The following ST3GAL3 variants were observed in gnomAD, a reference collection of about 807,000 sequenced individuals.
The protein encoded by ST3GAL3 is ST3 beta-galactoside alpha-2,3-sialyltransferase 3, also known as CMP-N-acetylneuraminate-beta-1,4-galactoside alpha-2,3-sialyltransferase.
ST3GAL3 carries 21 observed loss-of-function variants against 50.1 expected under a neutral mutation model. The ratio of observed to expected loss-of-function variants is 0.42; its 90% CI spans 0.30 to 0.60. The LOEUF (loss-of-function observed/expected upper bound fraction) is 0.60, where lower values mean the gene tolerates loss of function less well. Among genes scored for constraint, ST3GAL3 ranks in the 20% least tolerant of loss-of-function variants. ST3GAL3 has a pLI of 0.19. For synonymous variants in ST3GAL3, 183 were observed against 190.0 expected (o/e 0.96, Z 0.30); for missense variants, 353 against 489.4 (o/e 0.72, Z 2.63).
chr1:43,903,133 C>G (rs559822041), intron 9 of ST3GAL3, among the ~76,000 whole-genome samples: 4 of 152,142 alleles, frequency 2.6e-5, no homozygotes, highest in Admixed American at 1.3e-4. Flanking sequence ...AGACCACGCT[C>G]CCTTCAGGAA....
intron 6 of ST3GAL3, chr1:43,896,964 T>C (rs2077471785): frequency 1.3e-5 from 2 of 152,196 alleles, no homozygotes; most frequent in African/African-American, 4.8e-5. Flanking sequence ...TATATGTGTA[T>C]GTATATTCTT....
chr1:43,880,128 G>A (rs932781700), intron 5 of ST3GAL3, among the ~76,000 whole-genome samples: 1 of 152,200 alleles, frequency 6.6e-6, no homozygotes, highest in Admixed American at 6.5e-5. Flanking sequence ...CAGCCCACAG[G>A]CATTTACGGA....
At chr1:43,801,673 G>C in intron 3 of ST3GAL3, 1 of 203,074 alleles carries the variant, frequency 4.9e-6, no homozygotes, top group East Asian at 1.1e-4. Context: ...TGATGAACAG[G>C]CCAGGTATGG....
intron 4 of ST3GAL3, among the ~76,000 whole-genome samples, chr1:43,830,883 T>G (rs1399865232): frequency 1.3e-5 from 2 of 152,252 alleles, no homozygotes; most frequent in Non-Finnish European, 2.9e-5. Context: ...GTTATTTTCC[T>G]TCTTAAATTA....
At chr1:43,907,636 C>A (rs1316902471) in intron 9 of ST3GAL3, among the ~76,000 whole-genome samples, 2 of 152,188 alleles carry the variant, frequency 1.3e-5, no homozygotes, top group Non-Finnish European at 2.9e-5. Flanking sequence ...CCCATTCATC[C>A]CTGCTTCCTC....
intron 1 of ST3GAL3, among the ~76,000 whole-genome samples, chr1:43,734,244 G>A (rs1677209722): frequency 6.6e-6 from 1 of 150,646 alleles, no homozygotes; most frequent in African/African-American, 2.4e-5. Context: ...ATCATGAATG[G>A]AATTTTTTCA....
intron 1 of ST3GAL3, among the ~76,000 whole-genome samples, chr1:43,713,522 A>ATTTTTT (rs556526111): frequency 4.1e-5 from 5 of 122,174 alleles, no homozygotes; most frequent in Non-Finnish European, 8.2e-5. Context: ...ACGTTGTGGG[A>ATTTTTT]TTTTTTTTTT....
intron 6 of ST3GAL3, among the ~76,000 whole-genome samples, chr1:43,895,040 A>T (rs575947134): frequency 6.6e-6 from 1 of 152,314 alleles, no homozygotes; most frequent in East Asian, 1.9e-4. Flanking sequence ...GGAGATTCAG[A>T]TATTCAAGAG....
At chr1:43,792,554 A>C (rs2058207391) in intron 3 of ST3GAL3, among the ~76,000 whole-genome samples, 1 of 152,214 alleles carries the variant, frequency 6.6e-6, no homozygotes, top group Non-Finnish European at 1.5e-5. Context: ...GGAGCATCCC[A>C]GTTTCCTGAG....
chr1:43,779,534 T>C (rs991289159), intron 2 of ST3GAL3, among the ~76,000 whole-genome samples: 5 of 152,362 alleles, frequency 3.3e-5, no homozygotes, highest in Admixed American at 1.3e-4. Context: ...TTTTTTAACC[T>C]CTGAATCTCT....
chr1:43,850,442 G>A (rs2067071831), intron 5 of ST3GAL3: 8 of 589,820 alleles, frequency 1.4e-5, no homozygotes, highest in Admixed American at 1.1e-4. Flanking sequence ...CGTTGCTCTG[G>A]ATCTGCAGGG....
chr1:43,767,465 A>T (rs2154129006), intron 2 of ST3GAL3, among the ~76,000 whole-genome samples: 1 of 152,222 alleles, frequency 6.6e-6, no homozygotes, highest in Non-Finnish European at 1.5e-5. Context: ...GAAGCCACAG[A>T]CCATACCTAA....
At chr1:43,752,676 A>C (rs947254106) in intron 2 of ST3GAL3, among the ~76,000 whole-genome samples, 1 of 151,872 alleles carries the variant, frequency 6.6e-6, no homozygotes, top group Non-Finnish European at 1.5e-5. Context: ...GCTAATTTTT[A>C]TATTTTTGTA....
At chr1:43,889,199 G>C (rs1398273276) in intron 5 of ST3GAL3, among the ~76,000 whole-genome samples, 2 of 71,600 alleles carry the variant, frequency 2.8e-5, no homozygotes, top group African/African-American at 8.4e-5. Context: ...GAAGGGAACA[G>C]GAATACACAC....
chr1:43,747,283 G>A (rs1417515873), intron 2 of ST3GAL3, among the ~76,000 whole-genome samples: 5 of 151,794 alleles, frequency 3.3e-5, no homozygotes, highest in African/African-American at 9.7e-5. Flanking sequence ...ATGGTGGCAC[G>A]TGCCTGTAAT....
At chr1:43,775,889 G>A (rs1697046902) in intron 2 of ST3GAL3, among the ~76,000 whole-genome samples, 1 of 151,766 alleles carries the variant, frequency 6.6e-6, no homozygotes, top group Non-Finnish European at 1.5e-5. Context: ...AAGCAGTAAA[G>A]ATCTCCCTAT....
chr1:43,855,026 G>A (rs2068068906), intron 5 of ST3GAL3, among the ~76,000 whole-genome samples: 2 of 151,916 alleles, frequency 1.3e-5, no homozygotes, highest in Admixed American at 1.3e-4. Flanking sequence ...CTCTTAAAAA[G>A]TTGCCACATT....
In ST3GAL3 at chr1:43,920,866, A is replaced by C; in HGVS notation, c.976A>C (p.Met326Leu). The C allele has an allele frequency of 6.2e-7, 1 of 1,614,122 alleles. No homozygotes were observed. The highest frequency in any genetic ancestry group is 8.5e-7 in the Non-Finnish European group (1 of 1,180,018). Residue 326 changes from methionine (M) to leucine (L), a missense_variant, in exon 11 of 12, where the codon ATG (methionine) becomes CTG (leucine). Transcript: ENST00000347631. ...EVAVAGFGYD[M>L]STPNAPLHYY... The stretch of plus-strand genomic sequence containing the variant: ...GGCAGTCGCAGGATTTGGCTATGAC[A>C]TGAGCACACCCAACGCACCCCTGCA...
chr1:43,843,228 T>C (rs891916868), intron 5 of ST3GAL3, among the ~76,000 whole-genome samples: 1 of 152,220 alleles, frequency 6.6e-6, no homozygotes, highest in Non-Finnish European at 1.5e-5. Context: ...ATAGATACCA[T>C]TTTTTAGGTA....
Sources: allele counts gnomAD v4.1 joint callset (sites outside exome capture counted in the v4.1 genomes callset), GRCh38; gene constraint gnomAD v4.1.1; transcripts MANE v1.5; gene names NCBI Gene and HGNC (gene_info 2026-07-23, HGNC 2026-07-21).